ELOVL2: variants seen among roughly 807,000 people sequenced by gnomAD.
The protein encoded by ELOVL2 is very long chain fatty acid elongase 2.
In ELOVL2, 38 loss-of-function variants were observed where a neutral mutation model predicts 37.7. That is an observed-to-expected ratio of 1.01 (90% CI 0.78 to 1.32). The LOEUF is 1.32. Among genes scored for constraint, ELOVL2 ranks in the 40% most tolerant of loss-of-function variants. ELOVL2 has a pLI of 0.00. For synonymous variants in ELOVL2, 115 were observed against 122.3 expected (o/e 0.94, Z 0.40); for missense variants, 352 against 363.6 (o/e 0.97, Z 0.26).
At position 10,981,316 on chromosome 6, in the gene ELOVL2, T is replaced by G. The variant is rs550407768; in HGVS notation, c.*2465A>C. On this transcript the variant is annotated 3_prime_UTR_variant, in exon 8 of 8. Transcript: ENST00000354666. Reference sequence around the variant, plus strand: ...TATAGAAATATTAATTTTTCAATAGTTTTAGAAAAATCACATTAAAATAAG... The same window carrying G: ...TATAGAAATATTAATTTTTCAATAGGTTTAGAAAAATCACATTAAAATAAG... 6.6e-6 allele frequency: 1 copy of G among 152,666 alleles called. No individual in the cohort carries two copies. The highest frequency in any genetic ancestry group is 1.5e-5 in the Non-Finnish European group (1 of 68,044). 9.5% of individuals were successfully genotyped at this position (152,666 alleles called of 1,614,324 possible). A position where few individuals can be genotyped will look rare whatever the true frequency, so the allele number is the denominator to read the frequency against.
chr6:10,997,671 A>G (rs1267354508), intron 4 of ELOVL2, among the ~76,000 whole-genome samples: 1 of 152,192 alleles, frequency 6.6e-6, no homozygotes, highest in Admixed American at 6.5e-5. Context: ...GTTACTGGCA[A>G]TTAGATTTAC....
chr6:10,999,935 G>A, intron 4 of ELOVL2, 152 bp downstream of exon 4: 3 of 685,760 alleles, frequency 4.4e-6, no homozygotes, highest in Middle Eastern at 3.2e-4. Flanking sequence ...AGGGATAGTT[G>A]GAAATCATCT....
chr6:10,984,439 C>T (rs1782006013), intron 7 of ELOVL2, among the ~76,000 whole-genome samples: 1 of 151,216 alleles, frequency 6.6e-6, no homozygotes, highest in African/African-American at 2.4e-5. Flanking sequence ...ATACATGTGC[C>T]ATGCTGGTGT....
chr6:11,043,567 G>A (rs985900070), intron 1 of ELOVL2: 8 of 152,882 alleles, frequency 5.2e-5, no homozygotes, highest in South Asian at 2.1e-4. Flanking sequence ...GAGAGGAGTT[G>A]TCGGAAAGAA....
At chr6:10,989,151 T>C (rs1782099795) in intron 7 of ELOVL2, among the ~76,000 whole-genome samples, 1 of 152,260 alleles carries the variant, frequency 6.6e-6, no homozygotes, top group Non-Finnish European at 1.5e-5. Flanking sequence ...AATGATATTT[T>C]TGATAAAACC....
chr6:10,990,599 T>A (rs1450432519), intron 5 of ELOVL2, among the ~76,000 whole-genome samples, 157 bp from the exon 6 acceptor site: 1 of 152,082 alleles, frequency 6.6e-6, no homozygotes, highest in Non-Finnish European at 1.5e-5. Flanking sequence ...CCCCAATTAC[T>A]GTGCCAGTTC....
chr6:11,017,332 A>C (rs1262437920), intron 1 of ELOVL2, among the ~76,000 whole-genome samples: 1 of 152,170 alleles, frequency 6.6e-6, no homozygotes, highest in Non-Finnish European at 1.5e-5. Flanking sequence ...CTATCAGGTG[A>C]GACTTGAACT....
chr6:10,989,910 T>G (rs376101868), intron 6 of ELOVL2, 73 bp from the exon 7 acceptor site: 1 of 1,570,074 alleles, frequency 6.4e-7, no homozygotes, highest in African/African-American at 1.4e-5. Flanking sequence ...CCAAGCTTGA[T>G]CAATTCAGAA....
At chr6:11,011,003 G>A (rs956316860) in intron 1 of ELOVL2, among the ~76,000 whole-genome samples, 194 bp from the exon 2 acceptor site, 6 of 152,152 alleles carry the variant, frequency 3.9e-5, no homozygotes, top group African/African-American at 1.4e-4. Flanking sequence ...TAAAGATTTG[G>A]AAGGAAACAA....
At chr6:11,037,088 CAGAG>C (rs1293216686) in intron 1 of ELOVL2, among the ~76,000 whole-genome samples, 3 of 121,978 alleles carry the variant, frequency 2.5e-5, no homozygotes, top group Non-Finnish European at 3.3e-5. Flanking sequence ...GGGAAAGAGA[CAGAG>C]AGGTAGAGAG....
intron 2 of ELOVL2, among the ~76,000 whole-genome samples, chr6:11,009,960 A>G (rs889616575): frequency 4.6e-5 from 7 of 152,050 alleles, no homozygotes; most frequent in African/African-American, 1.7e-4. Context: ...GTGATGAAGG[A>G]AAGATGGAGA....
intron 5 of ELOVL2, 120 bp downstream of exon 5, chr6:10,994,887 G>T: frequency 1.3e-6 from 1 of 775,474 alleles, no homozygotes; most frequent in Non-Finnish European, 2.0e-6. Context: ...CTGCGGCAAG[G>T]CCGGCGCTCT....
chr6:11,010,280 C>T (rs1150554), intron 2 of ELOVL2, among the ~76,000 whole-genome samples: 3,681 of 151,976 alleles, frequency 0.024, 126 homozygotes, highest in African/African-American at 0.07. Context: ...CCTCAGCCTC[C>T]CAAAGTGCTG....
chr6:10,999,351 T>C (rs1782331795), intron 4 of ELOVL2, among the ~76,000 whole-genome samples: 1 of 151,392 alleles, frequency 6.6e-6, no homozygotes, highest in Admixed American at 6.6e-5. Context: ...GTATCCCCTC[T>C]GCCCTGTTCC....
At chr6:11,021,785 C>G (rs1782768376) in intron 1 of ELOVL2, among the ~76,000 whole-genome samples, 1 of 152,136 alleles carries the variant, frequency 6.6e-6, no homozygotes, top group Non-Finnish European at 1.5e-5. Flanking sequence ...TGCATTCGTT[C>G]ATCTGTTTCA....
chr6:10,998,025 G>T (rs1782304139), intron 4 of ELOVL2, among the ~76,000 whole-genome samples: 1 of 152,080 alleles, frequency 6.6e-6, no homozygotes, highest in African/African-American at 2.4e-5. Context: ...GAATGGCTTG[G>T]TGCCCCTCCT....
At chr6:11,040,829 A>G (rs1051059236) in intron 1 of ELOVL2, among the ~76,000 whole-genome samples, 10 of 152,220 alleles carry the variant, frequency 6.6e-5, no homozygotes, top group Admixed American at 4.6e-4. Flanking sequence ...CATCTTTTAC[A>G]GGATAAAATA....
rs80139731 is a variant in ELOVL2, at chr6:11,008,118, C to T, written c.68-2559G>A. Among the ~76,000 whole-genome samples, 1,216 of 152,050 alleles carry T rather than the reference C, an allele frequency of 8.0e-3. 18 individuals carry two copies. Among genetic ancestry groups the T allele is most frequent in the African/African-American group, 0.027 (1,115 of 41,460 alleles). On this transcript the variant is annotated intron_variant, in intron 2 of 7. Coordinates refer to ENST00000354666, the MANE Select transcript of ELOVL2 (RefSeq NM_017770.4). The stretch of plus-strand genomic sequence containing the variant: ...GCTAGGAGACACCGAGAGGTTTATT[C>T]GGTGATGTGCCAGTCAGCATCAGGG...
chr6:10,993,481 A>G (rs951397165), intron 5 of ELOVL2, among the ~76,000 whole-genome samples: 11 of 152,218 alleles, frequency 7.2e-5, no homozygotes, highest in Admixed American at 2.6e-4. Flanking sequence ...ATAAACATTA[A>G]TAAGACAACA....
Sources: gnomAD v4.1 joint callset for allele counts (sites outside exome capture counted in the v4.1 genomes callset) on GRCh38, gnomAD v4.1.1 for gene constraint, MANE v1.5 for transcripts, NCBI Gene and HGNC (gene_info 2026-07-23, HGNC 2026-07-21) for gene names.